Variants in GPC5 observed in about 807,000 individuals in gnomAD.
GPC5 encodes glypican 5.
A neutral mutation model predicts 53.9 loss-of-function variants in GPC5; 47 were observed. That is an observed-to-expected ratio of 0.87 (90% CI 0.69 to 1.11). The LOEUF is 1.11. Among genes scored for constraint, GPC5 ranks in the 50% most tolerant of loss-of-function variants. The pLI is 0.00. For missense variants in GPC5, 748 were observed against 713.1 expected (o/e 1.05, Z -0.56); for synonymous variants, 286 against 263.3 (o/e 1.09, Z -0.84).
intron 6 of GPC5, among the ~76,000 whole-genome samples, chr13:92,006,910 T>TTTTTGTTATAAAGTACAACA (rs1178995294): frequency 2.6e-5 from 4 of 152,200 alleles, no homozygotes; most frequent in Admixed American, 6.5e-5. Flanking sequence ...ATAAAGTACA[T>TTTTTGTTATAAAGTACAACA]TTTTGTAATG....
chr13:92,301,899 A>C (rs1362034187), intron 7 of GPC5, among the ~76,000 whole-genome samples: 1 of 151,946 alleles, frequency 6.6e-6, no homozygotes, highest in Non-Finnish European at 1.5e-5. Context: ...CTGTCTCAAA[A>C]ATAAATAAAT....
At chr13:92,001,124 G>A (rs1006247480) in intron 6 of GPC5, among the ~76,000 whole-genome samples, 7 of 152,174 alleles carry the variant, frequency 4.6e-5, no homozygotes, top group African/African-American at 1.7e-4. Context: ...AATAGGCATA[G>A]CATAGTTTGT....
At chr13:91,869,996 C>CT in intron 5 of GPC5, among the ~76,000 whole-genome samples, 1 of 152,206 alleles carries the variant, frequency 6.6e-6, no homozygotes, top group East Asian at 1.9e-4. Flanking sequence ...CAACATAAGG[C>CT]TTGGGTGGAG....
chr13:91,768,653 A>G (rs1368690643), intron 5 of GPC5, among the ~76,000 whole-genome samples: 5 of 152,190 alleles, frequency 3.3e-5, no homozygotes, highest in Non-Finnish European at 2.9e-5. Flanking sequence ...CAGAATCTAG[A>G]CCTTTTTAGT....
intron 7 of GPC5, among the ~76,000 whole-genome samples, chr13:92,740,069 C>A (rs78913097): frequency 4.0e-4 from 61 of 152,072 alleles, no homozygotes; most frequent in African/African-American, 1.4e-3. Context: ...CCTTCCCTAT[C>A]CTCTTCTCCT....
At chr13:92,144,532 AGG>A (rs1340488221) in intron 6 of GPC5, among the ~76,000 whole-genome samples, 2 of 152,200 alleles carry the variant, frequency 1.3e-5, no homozygotes. Flanking sequence ...TCAGAAACAA[AGG>A]ATCCTCTAGA....
chr13:91,811,331 T>G (rs2038308672), intron 5 of GPC5, among the ~76,000 whole-genome samples: 1 of 152,070 alleles, frequency 6.6e-6, no homozygotes, highest in African/African-American at 2.4e-5. Context: ...AGATAAGTGT[T>G]ACTTATCTGT....
intron 7 of GPC5, among the ~76,000 whole-genome samples, chr13:92,850,444 A>G (rs1878755516): frequency 1.3e-5 from 2 of 152,162 alleles, no homozygotes; most frequent in South Asian, 4.1e-4. Context: ...TACTAAAAAT[A>G]CAAAAATTAG....
rs1246298624 is a variant in GPC5, at chr13:92,047,906, G to A, written c.1402-96924G>A. ...CTAGGGAGGCTAAGGCAGTAGAATC[G>A]CTTGAACCTGGAAGGCAGAGGTTGG... is the stretch of plus-strand genomic sequence containing the variant. On this transcript the variant is annotated intron_variant, in intron 6 of 7. Coordinates refer to ENST00000377067, the MANE Select transcript of GPC5 (RefSeq NM_004466.6). Among the ~76,000 whole-genome samples, 3 of 151,282 alleles carry A rather than the reference G, an allele frequency of 2.0e-5. No homozygotes were observed. The East Asian group carries it at 5.8e-4, about 29-fold the overall frequency.
At chr13:92,645,236 T>C (rs9523749) in intron 7 of GPC5, among the ~76,000 whole-genome samples, 87,969 of 151,892 alleles carry the variant, frequency 0.58, 29,219 homozygotes, top group Non-Finnish European at 0.77. Flanking sequence ...ACCTCCACCT[T>C]CCAGGTTCCA....
At chr13:91,947,441 A>G (rs1373932967) in intron 6 of GPC5, among the ~76,000 whole-genome samples, 1 of 145,604 alleles carries the variant, frequency 6.9e-6, no homozygotes, top group Non-Finnish European at 1.5e-5. Context: ...ATTGTTATTA[A>G]TTAATTAAGT....
chr13:92,699,565 A>G (rs1208248628), intron 7 of GPC5, among the ~76,000 whole-genome samples: 1 of 152,136 alleles, frequency 6.6e-6, no homozygotes, highest in Non-Finnish European at 1.5e-5. Flanking sequence ...GTGGGCATTT[A>G]GTACTATAAA....
intron 7 of GPC5, among the ~76,000 whole-genome samples, chr13:92,187,649 A>G (rs746060730): frequency 6.6e-5 from 10 of 152,242 alleles, no homozygotes; most frequent in Non-Finnish European, 1.5e-4. Context: ...CAATCTAGAA[A>G]GAAGCTGGGC....
chr13:92,597,178 T>A (rs908041886), intron 7 of GPC5, among the ~76,000 whole-genome samples: 1 of 152,232 alleles, frequency 6.6e-6, no homozygotes, highest in Non-Finnish European at 1.5e-5. Context: ...GAATTTGGCA[T>A]CTGCCTTTAT....
At chr13:92,374,715 A>T (rs1286821051) in intron 7 of GPC5, among the ~76,000 whole-genome samples, 1 of 52,554 alleles carries the variant, frequency 1.9e-5, no homozygotes, top group Non-Finnish European at 3.7e-5. Flanking sequence ...GGGTTGGGGG[A>T]GGGGGGAGGG....
chr13:91,895,500 T>C (rs2039431735), intron 5 of GPC5, among the ~76,000 whole-genome samples: 1 of 152,208 alleles, frequency 6.6e-6, no homozygotes, highest in Non-Finnish European at 1.5e-5. Flanking sequence ...TGTGTAAGGC[T>C]ACAAAGACCT....
chr13:91,776,861 A>G (rs1305653348), intron 5 of GPC5, among the ~76,000 whole-genome samples: 1 of 152,214 alleles, frequency 6.6e-6, no homozygotes, highest in Non-Finnish European at 1.5e-5. Flanking sequence ...TTTACTGTTC[A>G]AATTTCAATC....
At chr13:92,369,240 G>T (rs1165756326) in intron 7 of GPC5, among the ~76,000 whole-genome samples, 1 of 152,212 alleles carries the variant, frequency 6.6e-6, no homozygotes, top group Non-Finnish European at 1.5e-5. Context: ...CTGGAGTGCA[G>T]TGGTGTGATT....
In GPC5 at chr13:91,774,013, C is replaced by T. The variant is rs187260862; in HGVS notation, c.1280+17593C>T. Among the ~76,000 whole-genome samples, 6 of 152,276 alleles carry T rather than the reference C, an allele frequency of 3.9e-5. No individual in the cohort carries two copies. The East Asian group carries it at 1.2e-3, about 29-fold the overall frequency. On this transcript the variant is annotated intron_variant, in intron 5 of 7. Coordinates refer to ENST00000377067, the MANE Select transcript of GPC5 (RefSeq NM_004466.6). ...GATTCCTAATTAGCAATTTCCTGTTCATTTTACTTGCAAATGCATTGCTTT... is the reference window on the plus strand; with the variant it reads ...GATTCCTAATTAGCAATTTCCTGTTTATTTTACTTGCAAATGCATTGCTTT...
Sources: gnomAD v4.1 joint callset for allele counts (sites outside exome capture counted in the v4.1 genomes callset) on GRCh38, gnomAD v4.1.1 for gene constraint, MANE v1.5 for transcripts, NCBI Gene and HGNC (gene_info 2026-07-23, HGNC 2026-07-21) for gene names.